The following CPNE4 variants were observed in gnomAD, a reference collection of about 807,000 sequenced individuals.
The protein encoded by CPNE4 is copine 4.
CPNE4 carries 25 observed loss-of-function variants against 67.9 expected under a neutral mutation model. The observed-to-expected ratio is 0.37, with a 90% CI of 0.27 to 0.51. The LOEUF (loss-of-function observed/expected upper bound fraction) is 0.51. Among genes scored for constraint, CPNE4 ranks in the 20% least tolerant of loss-of-function variants. The pLI, the probability that CPNE4 is intolerant of heterozygous loss-of-function variation, is 0.93. For synonymous variants in CPNE4, 242 were observed against 244.9 expected, an observed-to-expected ratio of 0.99 and a Z score of 0.11; for missense variants, 464 against 690.8, an observed-to-expected ratio of 0.67 and a Z score of 3.68.
intron 1 of CPNE4, among the ~76,000 whole-genome samples, chr3:131,920,084 C>T (rs1038897298): frequency 6.6e-6 from 1 of 152,090 alleles, no homozygotes; most frequent in African/African-American, 2.4e-5. Context: ...CACTCCGCTG[C>T]CCAACATCCT....
intron 1 of CPNE4, among the ~76,000 whole-genome samples, chr3:131,907,961 T>C (rs1339142910): frequency 6.6e-6 from 1 of 152,142 alleles, no homozygotes; most frequent in Non-Finnish European, 1.5e-5. Context: ...ATTTGTTTTT[T>C]ACAGATGAAA....
At chr3:131,610,194 C>A (rs75513808) in intron 7 of CPNE4, among the ~76,000 whole-genome samples, 1 of 152,086 alleles carries the variant, frequency 6.6e-6, no homozygotes, top group South Asian at 2.1e-4. Context: ...ATGAACAAGG[C>A]AGCCATTGCT....
At chr3:131,732,932 A>G (rs2082160128) in intron 2 of CPNE4, among the ~76,000 whole-genome samples, 1 of 152,224 alleles carries the variant, frequency 6.6e-6, no homozygotes, top group African/African-American at 2.4e-5. Flanking sequence ...TGTTAGTGAC[A>G]ACACCATATT....
At chr3:131,687,017 C>G (rs4854828) in intron 5 of CPNE4, among the ~76,000 whole-genome samples, 136,626 of 152,224 alleles carry the variant, frequency 0.9, 61,450 homozygotes, top group East Asian at 0.97. Context: ...CACTATTTTA[C>G]GAATCAGCCT....
intron 7 of CPNE4, among the ~76,000 whole-genome samples, chr3:131,648,738 G>A (rs58015503): frequency 0.014 from 2,157 of 152,256 alleles, 42 homozygotes; most frequent in African/African-American, 0.049. Flanking sequence ...TCTAAGATTT[G>A]TAGAATGAAT....
intron 2 of CPNE4, among the ~76,000 whole-genome samples, chr3:131,812,381 A>G (rs1175645743): frequency 6.8e-6 from 1 of 146,712 alleles, no homozygotes; most frequent in African/African-American, 2.4e-5. Flanking sequence ...TCAAAGACAA[A>G]TATTTAGCAC....
chr3:131,905,578 T>C (rs1289779494), intron 1 of CPNE4, 134 bp from the exon 2 acceptor site: 1 of 766,210 alleles, frequency 1.3e-6, no homozygotes, highest in Non-Finnish European at 2.1e-6. Flanking sequence ...TTTATCTCAC[T>C]TTCCAACCCA....
intron 2 of CPNE4, among the ~76,000 whole-genome samples, chr3:131,812,275 A>G (rs576188442): frequency 6.6e-6 from 1 of 152,210 alleles, no homozygotes; most frequent in East Asian, 1.9e-4. Flanking sequence ...TAAAGAATCA[A>G]TAAAGTTACA....
At chr3:131,686,615 T>C (rs2080896490) in intron 5 of CPNE4, among the ~76,000 whole-genome samples, 1 of 145,768 alleles carries the variant, frequency 6.9e-6, no homozygotes, top group Admixed American at 6.6e-5. Context: ...TCTGATTTCC[T>C]TTACTCCTTG....
chr3:131,549,254 T>C (rs937783313), intron 14 of CPNE4, among the ~76,000 whole-genome samples: 1 of 152,132 alleles, frequency 6.6e-6, no homozygotes, highest in Non-Finnish European at 1.5e-5. Flanking sequence ...AGTAGTATTT[T>C]TTTAAATAAA....
At chr3:131,728,748 AC>A (rs1365088170) in intron 2 of CPNE4, among the ~76,000 whole-genome samples, 4 of 151,830 alleles carry the variant, frequency 2.6e-5, no homozygotes, top group African/African-American at 7.2e-5. Context: ...GTCTCTACTT[AC>A]AAAAAAAAAA....
At chr3:131,612,548 AAG>A (rs1280894360) in intron 7 of CPNE4, among the ~76,000 whole-genome samples, 2 of 152,274 alleles carry the variant, frequency 1.3e-5, no homozygotes, top group African/African-American at 4.8e-5. Context: ...AGAGTGGTGA[AAG>A]AGAGAATCCT....
chr3:132,020,838 C>A (rs1372936812), intron 1 of CPNE4, among the ~76,000 whole-genome samples: 1 of 152,166 alleles, frequency 6.6e-6, no homozygotes, highest in Non-Finnish European at 1.5e-5. Context: ...CAAAATTGCA[C>A]CCGCACACGA....
chr3:131,609,312 T>C (rs1482950564), intron 7 of CPNE4, among the ~76,000 whole-genome samples: 2 of 152,152 alleles, frequency 1.3e-5, no homozygotes, highest in Admixed American at 6.5e-5. Flanking sequence ...CACCAAATAT[T>C]TGTGCTTTCC....
chr3:131,870,701 C>T (rs1018349473), intron 2 of CPNE4, among the ~76,000 whole-genome samples: 2 of 152,110 alleles, frequency 1.3e-5, no homozygotes, highest in Non-Finnish European at 2.9e-5. Context: ...TATTGTTCCC[C>T]CGAAACCAGC....
chr3:131,806,663 T>G (rs1168544878), intron 2 of CPNE4, among the ~76,000 whole-genome samples: 1 of 151,972 alleles, frequency 6.6e-6, no homozygotes, highest in African/African-American at 2.4e-5. Flanking sequence ...AGGGAAAAAG[T>G]GAAAATTTTA....
rs1934998983 is a variant in CPNE4 at position 131,533,700 on chromosome 3, T to C, written c.*1495A>G. ...CATGTATTTGCAAGATTAGGATCTA[T>C]AATTGTAACTGTGGAAATCATAGAA... On this transcript the variant is annotated 3_prime_UTR_variant, in exon 16 of 16. Coordinates refer to ENST00000429747, the MANE Select transcript of CPNE4 (RefSeq NM_130808.3). The C allele has an allele frequency of 6.6e-6, 1 of 152,242 alleles. No homozygotes were observed. The highest frequency in any genetic ancestry group is 2.1e-4 in the South Asian group (1 of 4,838). 9.4% of individuals were successfully genotyped at this position (152,242 alleles called of 1,614,324 possible).
At chr3:131,697,734 C>T (rs2107698582) in intron 4 of CPNE4, among the ~76,000 whole-genome samples, 1 of 152,256 alleles carries the variant, frequency 6.6e-6, no homozygotes, top group South Asian at 2.1e-4. Flanking sequence ...TCCCTTACCA[C>T]CTTAATGCCT....
At chr3:131,717,372 C>T (rs2081725095) in intron 3 of CPNE4, among the ~76,000 whole-genome samples, 1 of 151,878 alleles carries the variant, frequency 6.6e-6, no homozygotes, top group South Asian at 2.1e-4. Flanking sequence ...AAAAAATTTC[C>T]TTTCAAAAGT....
Sources: allele counts gnomAD v4.1 joint callset (sites outside exome capture counted in the v4.1 genomes callset), GRCh38; gene constraint gnomAD v4.1.1; transcripts MANE v1.5; gene names NCBI Gene and HGNC (gene_info 2026-07-23, HGNC 2026-07-21).